The following ROBO1 variants were observed in gnomAD, a reference collection of about 807,000 sequenced individuals.
ROBO1 encodes the protein roundabout homolog 1.
A neutral mutation model predicts 195.9 loss-of-function variants in ROBO1; 149 were observed. The observed-to-expected ratio is 0.76, with a 90% CI of 0.67 to 0.87. The LOEUF (loss-of-function observed/expected upper bound fraction) is 0.87, where lower values mean the gene tolerates loss of function less well. Ranked by LOEUF, ROBO1 falls within the 40% of genes least tolerant of loss-of-function variation. ROBO1 has a pLI of 0.00. For synonymous variants in ROBO1, 816 were observed against 733.2 expected (o/e 1.11, Z -1.82); for missense variants, 1,933 against 2,068.3 (o/e 0.93, Z 1.27).
intron 2 of ROBO1, among the ~76,000 whole-genome samples, chr3:79,127,894 T>C (rs1021464073): frequency 2.0e-5 from 3 of 152,206 alleles, no homozygotes; most frequent in African/African-American, 7.2e-5. Flanking sequence ...AATCTTACCA[T>C]ATCTCTAAAG....
chr3:79,460,091 T>C (rs1252524984), intron 2 of ROBO1, among the ~76,000 whole-genome samples: 2 of 152,196 alleles, frequency 1.3e-5, no homozygotes, highest in Non-Finnish European at 2.9e-5. Context: ...CAGTTCCTTT[T>C]ATAAATTCTA....
chr3:78,893,206 C>T (rs2037010571), intron 4 of ROBO1, among the ~76,000 whole-genome samples: 1 of 152,162 alleles, frequency 6.6e-6, no homozygotes, highest in Non-Finnish European at 1.5e-5. Flanking sequence ...AATTTAACAT[C>T]CAATGTGATA....
intron 4 of ROBO1, among the ~76,000 whole-genome samples, chr3:78,800,741 T>C (rs535840716): frequency 2.0e-5 from 3 of 152,170 alleles, no homozygotes; most frequent in Admixed American, 2.0e-4. Context: ...GTTTTTTGTA[T>C]TTTTAATAGA....
At chr3:78,916,720 C>T (rs1014372871) in intron 4 of ROBO1, among the ~76,000 whole-genome samples, 1 of 151,934 alleles carries the variant, frequency 6.6e-6, no homozygotes, top group African/African-American at 2.4e-5. Context: ...TATAATCATT[C>T]GATTTACATT....
intron 4 of ROBO1, among the ~76,000 whole-genome samples, chr3:78,905,739 A>G (rs1396397588): frequency 2.0e-5 from 3 of 152,172 alleles, no homozygotes; most frequent in Admixed American, 2.0e-4. Flanking sequence ...CTCACTATAA[A>G]CAAGGTGCTA....
Position 78,597,646 on chromosome 3 carries a change from A to G in ROBO1, c.*1267T>C, listed in dbSNP as rs1702907059. On this transcript the variant is annotated 3_prime_UTR_variant, in exon 31 of 31. Transcript: ENST00000464233. ...CAGAGGGCATCATTTGTCAATTGAA[A>G]GCAAGTAATGCCTCTATTAGAGATT... The G allele has an allele frequency of 6.6e-6, 1 of 152,364 alleles. No homozygotes were observed. The highest frequency in any genetic ancestry group is 6.5e-5 in the Admixed American group (1 of 15,280). The allele number at this position is 152,364 out of a possible 1,614,324, so 9.4% of individuals were successfully genotyped here. A position where few individuals can be genotyped will look rare whatever the true frequency, so the allele number is the denominator to read the frequency against.
At chr3:79,044,586 G>T (rs1456018524) in intron 3 of ROBO1, among the ~76,000 whole-genome samples, 1 of 152,124 alleles carries the variant, frequency 6.6e-6, no homozygotes, top group Non-Finnish European at 1.5e-5. Flanking sequence ...AGTACAGTGA[G>T]CTAGTTGAAA....
chr3:78,655,092 G>GT lies in ROBO1; in HGVS notation c.2614+2005dup, dbSNP rs770731260. Reference sequence around the variant, plus strand: ...AACCAGGAGCTATTTTTGTTTAAAAGTTTTATTTCTATATATAATCATTGG... The same window carrying GT: ...AACCAGGAGCTATTTTTGTTTAAAAGTTTTTATTTCTATATATAATCATTGG... On this transcript the variant is annotated intron_variant, in intron 18 of 30. Coordinates refer to ENST00000464233, the MANE Select transcript of ROBO1 (RefSeq NM_002941.4). 1.6e-4 allele frequency among the ~76,000 whole-genome samples: 25 copies of GT among 151,920 alleles called. No individual in the cohort carries two copies. In the South Asian group the frequency reaches 5.2e-3, roughly 32 times the overall value.
intron 1 of ROBO1, among the ~76,000 whole-genome samples, chr3:79,741,392 C>CT (rs541215915): frequency 2.5e-4 from 37 of 148,402 alleles, no homozygotes; most frequent in African/African-American, 5.4e-4. Flanking sequence ...TCAGATTTGA[C>CT]TTTTTTTTTT....
intron 2 of ROBO1, among the ~76,000 whole-genome samples, chr3:79,170,875 A>G (rs149906389): frequency 1.3e-5 from 2 of 152,122 alleles, no homozygotes; most frequent in Admixed American, 1.3e-4. Flanking sequence ...TATTTTTCAT[A>G]CTTGTGTTCA....
At chr3:78,740,250 C>T (rs962283494) in intron 5 of ROBO1, among the ~76,000 whole-genome samples, 6 of 151,336 alleles carry the variant, frequency 4.0e-5, no homozygotes, top group African/African-American at 1.5e-4. Context: ...AGCTTAGGCA[C>T]TGTGTTTTCA....
chr3:78,641,412 C>A (rs1291656693), intron 21 of ROBO1, among the ~76,000 whole-genome samples: 2 of 152,106 alleles, frequency 1.3e-5, no homozygotes, highest in South Asian at 4.1e-4. Context: ...GAGAAAATAT[C>A]GGAAGTGTAA....
At chr3:78,982,393 G>C (rs1475549338) in intron 3 of ROBO1, among the ~76,000 whole-genome samples, 1 of 152,098 alleles carries the variant, frequency 6.6e-6, no homozygotes, top group Non-Finnish European at 1.5e-5. Flanking sequence ...CTTCAGAGAG[G>C]ACAGGGGAAG....
chr3:79,763,992 A>G (rs1704850601), intron 1 of ROBO1, among the ~76,000 whole-genome samples: 1 of 152,166 alleles, frequency 6.6e-6, no homozygotes, highest in Non-Finnish European at 1.5e-5. Flanking sequence ...AAAAGCATGT[A>G]CTCTGTCATG....
chr3:78,927,160 G>A (rs9835586), intron 4 of ROBO1, among the ~76,000 whole-genome samples: 15,071 of 152,120 alleles, frequency 0.099, 1,849 homozygotes, highest in African/African-American at 0.29. Context: ...TGTCGGTAAA[G>A]CTCCATATTT....
chr3:78,927,197 T>C (rs2039269985), intron 4 of ROBO1, among the ~76,000 whole-genome samples: 1 of 152,170 alleles, frequency 6.6e-6, no homozygotes, highest in African/African-American at 2.4e-5. Context: ...AAATCTTGAA[T>C]GGGCTCCTAT....
At chr3:78,745,590 G>T (rs917502155) in intron 5 of ROBO1, among the ~76,000 whole-genome samples, 9 of 152,096 alleles carry the variant, frequency 5.9e-5, no homozygotes, top group African/African-American at 2.2e-4. Context: ...GCTCTTTCTT[G>T]ACTTCATTTC....
chr3:79,500,205 G>T (rs188302728), intron 2 of ROBO1, among the ~76,000 whole-genome samples: 1 of 128,528 alleles, frequency 7.8e-6, no homozygotes, highest in Non-Finnish European at 1.6e-5. Context: ...ATCTCAGCTC[G>T]CTGCAACCTC....
intron 3 of ROBO1, among the ~76,000 whole-genome samples, chr3:78,974,775 A>C (rs2076849511): frequency 6.6e-6 from 1 of 152,302 alleles, no homozygotes; most frequent in Non-Finnish European, 1.5e-5. Flanking sequence ...ATAAACTAAC[A>C]GTATCTATTC....
Sources: allele counts gnomAD v4.1 joint callset (sites outside exome capture counted in the v4.1 genomes callset), GRCh38; gene constraint gnomAD v4.1.1; transcripts MANE v1.5; gene names NCBI Gene and HGNC (gene_info 2026-07-23, HGNC 2026-07-21).